Variants in UBE2E2 observed in about 807,000 individuals in gnomAD.
UBE2E2 encodes ubiquitin conjugating enzyme E2 E2, also known as ubiquitin-conjugating enzyme E2 E2.
Under a neutral mutation model 24.7 loss-of-function variants are expected in UBE2E2, and 6 were observed. The ratio of observed to expected loss-of-function variants is 0.24; its 90% confidence interval spans 0.13 to 0.48. The LOEUF (loss-of-function observed/expected upper bound fraction) is 0.48. Among genes scored for constraint, UBE2E2 ranks in the 20% least tolerant of loss-of-function variants. The pLI, the probability that UBE2E2 is intolerant of heterozygous loss-of-function variation, is 0.99. For synonymous variants in UBE2E2, 104 were observed against 83.6 expected (o/e 1.24, Z -1.33); for missense variants, 169 against 245.0 (o/e 0.69, Z 2.07).
At chr3:23,314,252 C>G (rs1450232181) in intron 3 of UBE2E2, among the ~76,000 whole-genome samples, 1 of 152,148 alleles carries the variant, frequency 6.6e-6, no homozygotes. Flanking sequence ...CCTCAGCCTC[C>G]TGAGTAGCTG....
intron 3 of UBE2E2, among the ~76,000 whole-genome samples, chr3:23,272,290 TTC>T (rs1276748079): frequency 3.3e-5 from 5 of 150,948 alleles, no homozygotes; most frequent in African/African-American, 1.2e-4. Context: ...GCCGGCCGGC[TTC>T]TCTGAGTGTG....
intron 3 of UBE2E2, among the ~76,000 whole-genome samples, chr3:23,291,077 A>AC (rs1553599203): frequency 1.4e-5 from 2 of 146,806 alleles, no homozygotes; most frequent in Non-Finnish European, 3.0e-5. Flanking sequence ...TTTAAAAAAA[A>AC]AAAACAAAAA....
chr3:23,304,327 A>C (rs1004266202), intron 3 of UBE2E2, among the ~76,000 whole-genome samples: 2 of 152,172 alleles, frequency 1.3e-5, no homozygotes, highest in South Asian at 4.1e-4. Context: ...TAAAATTAGC[A>C]GTTAAGTTTT....
At chr3:23,255,208 T>A (rs1697686077) in intron 3 of UBE2E2, among the ~76,000 whole-genome samples, 1 of 147,742 alleles carries the variant, frequency 6.8e-6, no homozygotes, top group Admixed American at 6.8e-5. Context: ...ATCAGCCTCC[T>A]AGGTAGATGG....
chr3:23,269,309 A>G (rs542068238), intron 3 of UBE2E2, among the ~76,000 whole-genome samples: 1 of 152,246 alleles, frequency 6.6e-6, no homozygotes, highest in South Asian at 2.1e-4. Context: ...CTCATCTGAC[A>G]AAGGGCTAAT....
At chr3:23,417,252 C>T (rs987740171) in intron 3 of UBE2E2, among the ~76,000 whole-genome samples, 1 of 152,092 alleles carries the variant, frequency 6.6e-6, no homozygotes, top group Non-Finnish European at 1.5e-5. Context: ...ACGTCCTTTT[C>T]GTTGATGTTG....
intron 3 of UBE2E2, among the ~76,000 whole-genome samples, chr3:23,358,870 T>TGATA (rs890369329): frequency 1.6e-4 from 24 of 152,368 alleles, no homozygotes; most frequent in African/African-American, 5.8e-4. Flanking sequence ...GTGTAGTATC[T>TGATA]CCTTTGGTCC....
chr3:23,436,157 G>T (rs577421123), intron 3 of UBE2E2, among the ~76,000 whole-genome samples: 2 of 146,376 alleles, frequency 1.4e-5, no homozygotes, highest in South Asian at 4.5e-4. Context: ...AGCAGTCTGT[G>T]GCCCAGGGTT....
At chr3:23,215,634 C>A (rs1455887738) in intron 2 of UBE2E2, among the ~76,000 whole-genome samples, 1 of 152,128 alleles carries the variant, frequency 6.6e-6, no homozygotes, top group East Asian at 1.9e-4. Context: ...CCTGTCTCAA[C>A]CTGTTTGATT....
chr3:23,553,396 T>G (rs1695697649), intron 5 of UBE2E2, among the ~76,000 whole-genome samples: 1 of 152,210 alleles, frequency 6.6e-6, no homozygotes, highest in Non-Finnish European at 1.5e-5. Flanking sequence ...TTACTGCTTT[T>G]AATCTCTTTT....
chr3:23,498,527 TCA>T (rs1314110727), intron 3 of UBE2E2, among the ~76,000 whole-genome samples: 4 of 152,228 alleles, frequency 2.6e-5, no homozygotes, highest in Non-Finnish European at 1.5e-5. Context: ...ACATTTGATA[TCA>T]GGTCTCCCTA....
intron 3 of UBE2E2, among the ~76,000 whole-genome samples, chr3:23,278,258 ATTAC>A (rs988052669): frequency 7.9e-4 from 120 of 152,248 alleles, no homozygotes; most frequent in African/African-American, 2.7e-3. Context: ...AGTTTTTCCT[ATTAC>A]TTAAGATTTC....
chr3:23,349,182 T>A (rs1200709262), intron 3 of UBE2E2, among the ~76,000 whole-genome samples: 1 of 152,160 alleles, frequency 6.6e-6, no homozygotes. Context: ...CAAAACCTGA[T>A]GCTGAGAAGT....
intron 4 of UBE2E2, among the ~76,000 whole-genome samples, chr3:23,502,672 T>A (rs922018017): frequency 1.3e-5 from 2 of 152,190 alleles, no homozygotes; most frequent in African/African-American, 4.8e-5. Flanking sequence ...TTGCCTAAAT[T>A]CTAATAAGGC....
At chr3:23,219,130 G>A (rs993801553) in intron 3 of UBE2E2, among the ~76,000 whole-genome samples, 6 of 152,166 alleles carry the variant, frequency 3.9e-5, no homozygotes, top group Middle Eastern at 3.2e-3. Flanking sequence ...TGATAAGTTT[G>A]CTTTAGAAGC....
At chr3:23,577,828 G>A (rs1245982745) in intron 5 of UBE2E2, among the ~76,000 whole-genome samples, 1 of 152,130 alleles carries the variant, frequency 6.6e-6, no homozygotes, top group East Asian at 1.9e-4. Flanking sequence ...AATGTAGCTG[G>A]TGACTTCAAG....
chr3:23,525,990 G>C (rs1204000837), intron 4 of UBE2E2, among the ~76,000 whole-genome samples: 1 of 152,122 alleles, frequency 6.6e-6, no homozygotes, highest in Non-Finnish European at 1.5e-5. Flanking sequence ...TTCCTTATCA[G>C]TTTGCAAGTA....
chr3:23,343,451 C>G (rs763354035), intron 3 of UBE2E2, among the ~76,000 whole-genome samples: 42 of 152,084 alleles, frequency 2.8e-4, no homozygotes, highest in Non-Finnish European at 3.1e-4. Context: ...TGGCACTCAC[C>G]TGTAGTCCCA....
intron 3 of UBE2E2, among the ~76,000 whole-genome samples, chr3:23,476,375 C>G (rs1438725096): frequency 1.3e-5 from 2 of 152,056 alleles, no homozygotes; most frequent in Non-Finnish European, 2.9e-5. Context: ...CACTAAAGCA[C>G]CATTAAGAGA....
Sources: allele counts gnomAD v4.1 joint callset (sites outside exome capture counted in the v4.1 genomes callset), GRCh38; gene constraint gnomAD v4.1.1; transcripts MANE v1.5; gene names NCBI Gene and HGNC (gene_info 2026-07-23, HGNC 2026-07-21).